Variants in ADSS2 observed in about 807,000 individuals in gnomAD.
The protein encoded by ADSS2 is adenylosuccinate synthetase isozyme 2.
In ADSS2, 30 loss-of-function variants were observed where a neutral mutation model predicts 60.0. The ratio of observed to expected loss-of-function variants is 0.50; its 90% CI spans 0.37 to 0.68. ADSS2 has a LOEUF of 0.68. Among genes scored for constraint, ADSS2 ranks in the 30% least tolerant of loss-of-function variants. The pLI is 0.00. For missense variants in ADSS2, 373 were observed against 554.8 expected (o/e 0.67, Z 3.29); for synonymous variants, 187 against 193.1 (o/e 0.97, Z 0.26).
At chr1:244,441,787 T>A (rs960019063) in intron 1 of ADSS2, among the ~76,000 whole-genome samples, 8 of 152,020 alleles carry the variant, frequency 5.3e-5, no homozygotes, top group African/African-American at 1.9e-4. Flanking sequence ...AAACCCCGTC[T>A]CTACTAAAAA....
chr1:244,441,305 G>A (rs532185963), intron 1 of ADSS2, among the ~76,000 whole-genome samples: 7 of 152,174 alleles, frequency 4.6e-5, no homozygotes, highest in South Asian at 4.1e-4. Flanking sequence ...TGATCCGCCC[G>A]CCTCGGCCTT....
intron 7 of ADSS2, among the ~76,000 whole-genome samples, chr1:244,421,146 C>T (rs1049130663): frequency 3.3e-5 from 5 of 152,162 alleles, no homozygotes; most frequent in African/African-American, 1.2e-4. Context: ...ATGTCTATCT[C>T]TACACTATTA....
chr1:244,438,915 G>A (rs79481431), intron 1 of ADSS2, among the ~76,000 whole-genome samples: 2 of 151,970 alleles, frequency 1.3e-5, no homozygotes, highest in Non-Finnish European at 2.9e-5. Flanking sequence ...TAATTATACT[G>A]AGTTATTTAA....
In ADSS2 at chr1:244,411,186, A is replaced by C. The variant is rs571641508; in HGVS notation, c.1318+101T>G. Reference sequence around the variant, plus strand: ...CAGTGAGCCGAGATCCCGCCACTGCACTCCAGCCTGGGACAGAGCGAGACT... The same window carrying C: ...CAGTGAGCCGAGATCCCGCCACTGCCCTCCAGCCTGGGACAGAGCGAGACT... On this transcript the variant is annotated intron_variant, in intron 12 of 12. Coordinates refer to ENST00000366535, the MANE Select transcript of ADSS2 (RefSeq NM_001126.5). The C allele has an allele frequency of 3.4e-5, 42 of 1,233,672 alleles. No homozygotes were observed. The African/African-American group carries it at 6.3e-4, about 19-fold the overall frequency. The allele number at this position is 1,233,672 out of a possible 1,614,324, so 76.4% of individuals were successfully genotyped here.
At chr1:244,441,091 C>T (rs1335350721) in intron 1 of ADSS2, among the ~76,000 whole-genome samples, 3 of 147,164 alleles carry the variant, frequency 2.0e-5, no homozygotes, top group African/African-American at 5.0e-5. Context: ...CAGAGTCTTG[C>T]TCTGTCTCCC....
At chr1:244,432,660 C>CTTTTTTTT (rs532312490) in intron 3 of ADSS2, 65 bp from the exon 4 acceptor site, 52 of 387,268 alleles carry the variant, frequency 1.3e-4, no homozygotes, top group Admixed American at 3.9e-4. Flanking sequence ...ATCTTAATTT[C>CTTTTTTTT]TTTTTTTTTT....
intron 1 of ADSS2, among the ~76,000 whole-genome samples, chr1:244,447,422 GTC>G (rs966472296): frequency 6.6e-6 from 1 of 152,056 alleles, no homozygotes; most frequent in African/African-American, 2.4e-5. Flanking sequence ...CACTGAGATG[GTC>G]TCATACACGT....
intron 4 of ADSS2, among the ~76,000 whole-genome samples, chr1:244,430,375 T>A (rs1031227221): frequency 3.3e-5 from 5 of 152,218 alleles, no homozygotes; most frequent in Admixed American, 6.5e-5. Context: ...GGGATATGTC[T>A]CTTAACACTA....
chr1:244,423,869 C>A, intron 6 of ADSS2, 84 bp downstream of exon 6: 1 of 1,026,634 alleles, frequency 9.7e-7, no homozygotes, highest in Non-Finnish European at 1.4e-6. Context: ...ACTAGAATAC[C>A]GACTGTATCA....
chr1:244,422,933 A>C lies in ADSS2; in HGVS notation c.582-17T>G, dbSNP rs750388925. 2.0e-6 allele frequency: 3 copies of C among 1,466,920 alleles called. No individual in the cohort carries two copies. The African/African-American group carries it at 4.2e-5, about 21-fold the overall frequency. The allele number at this position is 1,466,920 out of a possible 1,614,324, so 90.9% of individuals were successfully genotyped here. ...ACTTTAAACCTGAGAAACACAGATA[A>C]ATCAAGACATTACCACTCTGTGAAA... On this transcript the variant is annotated splice_polypyrimidine_tract_variant and intron_variant, in intron 6 of 12. Transcript: ENST00000366535.
chr1:244,448,340 T>C (rs1261666995), intron 1 of ADSS2, among the ~76,000 whole-genome samples: 2 of 152,230 alleles, frequency 1.3e-5, no homozygotes, highest in African/African-American at 4.8e-5. Flanking sequence ...AGCAGATACT[T>C]GTATCTAGCT....
Position 244,411,317 on chromosome 1 carries a change from G to A in ADSS2, c.1288C>T (p.Arg430Ter). The A allele has an allele frequency of 6.2e-6, 10 of 1,612,770 alleles. No individual in the cohort carries two copies. Among genetic ancestry groups the A allele is most frequent in the Non-Finnish European group, 8.5e-6 (10 of 1,179,632 alleles). ...ELPVNAQNYV[R>*]FIEDELQIPV... ...ATTTGAAGCTCATCTTCAATAAATC[G>A]AACATAGTTTTGTGCATTAACAGGT... Residue 430 changes from arginine (R) to a stop codon, truncating the protein, a stop_gained, in exon 12 of 13, where the codon CGA (arginine) becomes TGA (stop). Coordinates refer to ENST00000366535, the MANE Select transcript of ADSS2 (RefSeq NM_001126.5). LOFTEE classifies it high-confidence loss of function.
At chr1:244,413,463 C>T (rs955716731) in intron 11 of ADSS2, among the ~76,000 whole-genome samples, 1 of 152,198 alleles carries the variant, frequency 6.6e-6, no homozygotes, top group African/African-American at 2.4e-5. Flanking sequence ...AACTCACAAG[C>T]AAGTCCAGAA....
intron 2 of ADSS2, 99 bp downstream of exon 2, chr1:244,437,567 C>G: frequency 1.2e-6 from 1 of 830,742 alleles, no homozygotes; most frequent in Admixed American, 2.0e-5. Context: ...AATGAACCAT[C>G]TGGTCAGTGA....
At chr1:244,411,552 G>C in intron 11 of ADSS2, 116 bp from the exon 12 acceptor site, 1 of 1,095,618 alleles carries the variant, frequency 9.1e-7, no homozygotes, top group African/African-American at 1.6e-5. Context: ...CATATGTTTT[G>C]GGATTTAGAA....
intron 3 of ADSS2, among the ~76,000 whole-genome samples, chr1:244,433,859 TAAAA>T (rs35132231): frequency 1.1e-5 from 1 of 94,960 alleles, no homozygotes; most frequent in East Asian, 4.0e-4. Flanking sequence ...ACTCCATCTT[TAAAA>T]AAAAAAAAAA....
At chr1:244,432,900 C>T (rs1357953702) in intron 3 of ADSS2, among the ~76,000 whole-genome samples, 1 of 151,852 alleles carries the variant, frequency 6.6e-6, no homozygotes, top group Non-Finnish European at 1.5e-5. Flanking sequence ...GATCTCCTGA[C>T]CTTGTGATCC....
At chr1:244,449,083 C>G (rs892010483) in intron 1 of ADSS2, among the ~76,000 whole-genome samples, 2 of 152,142 alleles carry the variant, frequency 1.3e-5, no homozygotes, top group African/African-American at 4.8e-5. Flanking sequence ...ATCTGGGGAA[C>G]CTACCAAGTT....
chr1:244,433,902 T>C (rs1222505525), intron 3 of ADSS2, among the ~76,000 whole-genome samples: 2 of 151,246 alleles, frequency 1.3e-5, no homozygotes, highest in Non-Finnish European at 1.5e-5. Flanking sequence ...AAATAAACTT[T>C]TTCATTAATT....
Sources: gnomAD v4.1 joint callset for allele counts (sites outside exome capture counted in the v4.1 genomes callset) on GRCh38, gnomAD v4.1.1 for gene constraint, MANE v1.5 for transcripts, NCBI Gene and HGNC (gene_info 2026-07-23, HGNC 2026-07-21) for gene names.